The following TENM1 variants were observed in gnomAD, a reference collection of about 807,000 sequenced individuals.
The protein encoded by TENM1 is teneurin-1.
Under a neutral mutation model 174.8 loss-of-function variants are expected in TENM1, and 35 were observed. That is an observed-to-expected ratio of 0.20 (90% CI 0.15 to 0.27). TENM1 has a LOEUF of 0.27. TENM1 is among the 10% of genes least tolerant of loss of function. TENM1 has a pLI of 1.00. For missense variants in TENM1, 1,633 were observed against 2,130.1 expected (o/e 0.77, Z 4.59); for synonymous variants, 781 against 798.7 (o/e 0.98, Z 0.37).
At chrX:124,443,044 ATGTGTGTGTGTGTGTG>A (rs59365041) in intron 23 of TENM1, among the ~76,000 whole-genome samples, 255 of 51,951 alleles carry the variant, frequency 4.9e-3, no homozygotes, top group African/African-American at 0.016. Context: ...CTGGATGACT[ATGTGTGTGTGTGTGTG>A]TGTGTGTGTG....
At chrX:125,173,498 G>A in the TENM1 span, among the ~76,000 whole-genome samples, 1 of 110,623 alleles carries the variant, frequency 9.0e-6, no homozygotes, top group Non-Finnish European at 1.9e-5. Flanking sequence ...GCTAGGTCCT[G>A]GGAATCCATC....
chrX:125,069,011 TTTTG>T, the TENM1 span, among the ~76,000 whole-genome samples: 2 of 111,225 alleles, frequency 1.8e-5, no homozygotes, highest in Non-Finnish European at 3.8e-5. Context: ...CAATAGTAGT[TTTTG>T]TTTGTTTGTT....
chrX:124,490,864 A>G (rs1173708412), intron 20 of TENM1, among the ~76,000 whole-genome samples: 1 of 112,150 alleles, frequency 8.9e-6, no homozygotes, highest in Non-Finnish European at 1.9e-5. Context: ...CTTGCAAAGC[A>G]CTTGATATGG....
At chrX:124,528,784 A>G (rs2048038837) in intron 16 of TENM1, among the ~76,000 whole-genome samples, 1 of 111,280 alleles carries the variant, frequency 9.0e-6, no homozygotes, top group Non-Finnish European at 1.9e-5. Flanking sequence ...AATAAGCAAT[A>G]TAATTTATAC....
chrX:124,507,237 G>A (rs1204748374), intron 18 of TENM1, among the ~76,000 whole-genome samples: 1 of 111,520 alleles, frequency 9.0e-6, no homozygotes, highest in East Asian at 2.8e-4. Flanking sequence ...TAATGGGTTC[G>A]TGCTGGTGTG....
chrX:124,405,657 C>CAT (rs1221199200), intron 26 of TENM1, among the ~76,000 whole-genome samples: 1 of 110,820 alleles, frequency 9.0e-6, no homozygotes, highest in Non-Finnish European at 1.9e-5. Flanking sequence ...CTGGGCCCAC[C>CAT]ATCACAGTTG....
intron 11 of TENM1, among the ~76,000 whole-genome samples, chrX:124,568,964 A>G (rs986113473): frequency 1.8e-5 from 2 of 111,605 alleles, no homozygotes; most frequent in Admixed American, 9.5e-5. Context: ...AGCACTTTGG[A>G]AGGGTGAGGT....
intron 6 of TENM1, among the ~76,000 whole-genome samples, chrX:124,657,655 C>T (rs1460669916): frequency 2.7e-5 from 3 of 111,639 alleles, no homozygotes; most frequent in Non-Finnish European, 5.6e-5. Flanking sequence ...TATAGCTAGA[C>T]GTGGTACATT....
intron 3 of TENM1, among the ~76,000 whole-genome samples, chrX:124,744,326 A>G (rs768175139): frequency 8.9e-6 from 1 of 112,209 alleles, no homozygotes; most frequent in Non-Finnish European, 1.9e-5. Flanking sequence ...TGAAGCCAAT[A>G]TATTTGTCAT....
chrX:124,746,567 A>T (rs192345322), intron 3 of TENM1, among the ~76,000 whole-genome samples: 38 of 111,275 alleles, frequency 3.4e-4, no homozygotes, highest in African/African-American at 1.1e-3. Context: ...ATCTCCCCGG[A>T]CTCACTCCAA....
intron 23 of TENM1, among the ~76,000 whole-genome samples, chrX:124,440,715 G>T (rs1474029334): frequency 1.8e-5 from 2 of 111,711 alleles, no homozygotes; most frequent in Non-Finnish European, 3.8e-5. Flanking sequence ...GTAATTTTCA[G>T]CCATAAACTC....
rs1476862426 is a variant in TENM1 at position 124,459,362 on chromosome X, C to T, written c.3950-5871G>A. On this transcript the variant is annotated intron_variant, in intron 22 of 31. Transcript: ENST00000422452. ...GATTCCTTACATAGATTTTCTCATT[C>T]AATCCTCCCAACAGCCTTGTGGAGT... 5.4e-5 allele frequency among the ~76,000 whole-genome samples: 6 copies of T among 111,322 alleles called. No individual in the cohort carries two copies. The Admixed American group carries it at 5.8e-4, about 11-fold the overall frequency.
At chrX:124,707,206 T>C (rs950915885) in intron 4 of TENM1, among the ~76,000 whole-genome samples, 3 of 111,573 alleles carry the variant, frequency 2.7e-5, no homozygotes, top group African/African-American at 9.8e-5. Context: ...TTTCACCATG[T>C]TGCCCAGGCT....
chrX:124,946,943 C>T (rs867751574), intron 1 of TENM1, among the ~76,000 whole-genome samples: 1 of 92,892 alleles, frequency 1.1e-5, no homozygotes, highest in Non-Finnish European at 2.1e-5. Context: ...AAAAAAAAAA[C>T]TAAAAAGAAG....
chrX:124,536,359 C>A (rs2148087354), intron 15 of TENM1, among the ~76,000 whole-genome samples: 1 of 111,702 alleles, frequency 9.0e-6, no homozygotes, highest in East Asian at 2.8e-4. Context: ...CAGTTGGTCA[C>A]TGCCCCAAAT....
chrX:125,194,267 CCTT>C, the TENM1 span, among the ~76,000 whole-genome samples: 1 of 111,518 alleles, frequency 9.0e-6, no homozygotes, highest in African/African-American at 3.3e-5. Flanking sequence ...GTCACTCCCT[CCTT>C]CTTCCTCACA....
chrX:124,507,998 G>A lies in TENM1; in HGVS notation c.3302-4295C>T, dbSNP rs556364687. On this transcript the variant is annotated intron_variant, in intron 18 of 31. Transcript: ENST00000422452. ...TTACAAGATGAAAATCTTCTTCTCC[G>A]AAAGGAATTATTGAATATAGCAATA... Among the ~76,000 whole-genome samples, 5 of 112,180 alleles carry A rather than the reference G, an allele frequency of 4.5e-5. No individual in the cohort carries two copies. In the South Asian group the frequency reaches 1.1e-3, roughly 25 times the overall value.
exon 32 of TENM1, chrX:124,379,659 G>T (rs2147558476): frequency 8.9e-6 from 1 of 111,845 alleles, no homozygotes; most frequent in African/African-American, 3.3e-5. Flanking sequence ...AAAACCATTG[G>T]GTCAGTGTAT....
At chrX:125,137,299 T>C in the TENM1 span, among the ~76,000 whole-genome samples, 9 of 111,330 alleles carry the variant, frequency 8.1e-5, no homozygotes, top group Middle Eastern at 4.2e-3. Flanking sequence ...ACTGGTTCAA[T>C]ATGCAGGTCA....
Sources: allele counts gnomAD v4.1 joint callset (sites outside exome capture counted in the v4.1 genomes callset), GRCh38; gene constraint gnomAD v4.1.1; transcripts MANE v1.5; gene names NCBI Gene and HGNC (gene_info 2026-07-23, HGNC 2026-07-21).